WDFY2: variants seen among roughly 807,000 people sequenced by gnomAD.
WDFY2 encodes WD repeat and FYVE domain-containing protein 2.
A neutral mutation model predicts 56.4 loss-of-function variants in WDFY2; 36 were observed. The observed-to-expected ratio is 0.64, with a 90% CI of 0.49 to 0.84. The LOEUF (loss-of-function observed/expected upper bound fraction) is 0.84. Ranked by LOEUF, WDFY2 falls within the 40% of genes least tolerant of loss-of-function variation. The pLI is 0.00. For missense variants in WDFY2, 444 were observed against 512.2 expected, an observed-to-expected ratio of 0.87 and a Z score of 1.29; for synonymous variants, 176 against 183.7, an observed-to-expected ratio of 0.96 and a Z score of 0.34.
intron 4 of WDFY2, among the ~76,000 whole-genome samples, chr13:51,716,777 GAAAA>G: frequency 8.6e-6 from 1 of 116,630 alleles, no homozygotes; most frequent in African/African-American, 3.3e-5. Flanking sequence ...TATCTCTCAT[GAAAA>G]AAAAAAAAAA....
chr13:51,694,335 C>T (rs1459956704), intron 3 of WDFY2, among the ~76,000 whole-genome samples: 1 of 152,190 alleles, frequency 6.6e-6, no homozygotes, highest in Non-Finnish European at 1.5e-5. Context: ...TTGTTCCTTT[C>T]CATGTTTAGT....
At chr13:51,670,489 GCACACACACA>G (rs55984632) in intron 2 of WDFY2, among the ~76,000 whole-genome samples, 1,701 of 131,484 alleles carry the variant, frequency 0.013, 18 homozygotes, top group African/African-American at 0.032. Context: ...GTGCGCACAT[GCACACACACA>G]CACACACACA....
chr13:51,624,153 G>GT (rs1954795183), intron 1 of WDFY2, among the ~76,000 whole-genome samples: 1 of 152,232 alleles, frequency 6.6e-6, no homozygotes, highest in Non-Finnish European at 1.5e-5. Flanking sequence ...TCTTGGGGCA[G>GT]TTTGGACAGA....
At chr13:51,734,167 A>G (rs910770274) in intron 6 of WDFY2, among the ~76,000 whole-genome samples, 2 of 152,190 alleles carry the variant, frequency 1.3e-5, no homozygotes, top group Non-Finnish European at 2.9e-5. Flanking sequence ...AGCAGTTTCC[A>G]ACCCTGATTT....
At chr13:51,742,148 A>G (rs1257976770) in intron 7 of WDFY2, among the ~76,000 whole-genome samples, 1 of 152,206 alleles carries the variant, frequency 6.6e-6, no homozygotes, top group African/African-American at 2.4e-5. Flanking sequence ...ACAGCTGCAC[A>G]TGTCTTCTGT....
chr13:51,612,878 G>C (rs1363923570), intron 1 of WDFY2, among the ~76,000 whole-genome samples: 1 of 152,178 alleles, frequency 6.6e-6, no homozygotes, highest in African/African-American at 2.4e-5. Context: ...TTATTACAGA[G>C]GCAAATCAGG....
chr13:51,721,737 C>T (rs1048445813), intron 5 of WDFY2, among the ~76,000 whole-genome samples: 20 of 152,160 alleles, frequency 1.3e-4, no homozygotes, highest in Admixed American at 1.3e-4. Context: ...CTCTGCCTTG[C>T]CAACTATGAT....
chr13:51,646,294 A>G (rs1000777461), intron 1 of WDFY2, among the ~76,000 whole-genome samples: 8 of 152,210 alleles, frequency 5.3e-5, no homozygotes, highest in African/African-American at 1.7e-4. Context: ...GGCAGAGGCA[A>G]TGCTCCTGCA....
intron 3 of WDFY2, among the ~76,000 whole-genome samples, chr13:51,697,045 TA>T (rs1387279194): frequency 1.2e-4 from 18 of 152,330 alleles, no homozygotes; most frequent in African/African-American, 3.8e-4. Flanking sequence ...GTAAACATTT[TA>T]AGGTGTTAAA....
intron 1 of WDFY2, among the ~76,000 whole-genome samples, chr13:51,647,437 G>A (rs1955283043): frequency 6.6e-6 from 1 of 152,166 alleles, no homozygotes; most frequent in African/African-American, 2.4e-5. Flanking sequence ...AACATAAAAA[G>A]CGTAAGGTAA....
intron 7 of WDFY2, among the ~76,000 whole-genome samples, chr13:51,749,612 C>T (rs1057118098): frequency 2.6e-5 from 4 of 152,026 alleles, no homozygotes; most frequent in Admixed American, 2.6e-4. Flanking sequence ...TTTACATTCC[C>T]TTAAAGTGGC....
intron 2 of WDFY2, among the ~76,000 whole-genome samples, chr13:51,663,837 A>G (rs1270637969): frequency 6.6e-6 from 1 of 152,228 alleles, no homozygotes; most frequent in Non-Finnish European, 1.5e-5. Flanking sequence ...TAAATACCAC[A>G]AAGCAGATAT....
intron 4 of WDFY2, among the ~76,000 whole-genome samples, chr13:51,718,375 C>T (rs1312383877): frequency 1.3e-5 from 2 of 152,126 alleles, no homozygotes; most frequent in Non-Finnish European, 1.5e-5. Flanking sequence ...AACTGAGAAG[C>T]TGTAAGACCT....
At chr13:51,639,857 G>A (rs1027891271) in intron 1 of WDFY2, among the ~76,000 whole-genome samples, 1 of 152,106 alleles carries the variant, frequency 6.6e-6, no homozygotes, top group Non-Finnish European at 1.5e-5. Context: ...ATATGCTGTT[G>A]TCTCCTTTCT....
intron 1 of WDFY2, among the ~76,000 whole-genome samples, chr13:51,651,505 G>C (rs932431147): frequency 6.6e-6 from 1 of 152,176 alleles, no homozygotes; most frequent in African/African-American, 2.4e-5. Flanking sequence ...TAATTGTGAT[G>C]TTAGGGTGTC....
At chr13:51,626,629 C>T (rs1207713957) in intron 1 of WDFY2, among the ~76,000 whole-genome samples, 1 of 152,020 alleles carries the variant, frequency 6.6e-6, no homozygotes, top group Non-Finnish European at 1.5e-5. Flanking sequence ...AAAAATGAAA[C>T]ACATCTAATA....
At position 51,748,171 on chromosome 13, in the gene WDFY2, G is replaced by A. The variant is rs142704697; in HGVS notation, c.726-3139G>A. On this transcript the variant is annotated intron_variant, in intron 7 of 11. Coordinates refer to ENST00000298125, the MANE Select transcript of WDFY2 (RefSeq NM_052950.4). ...CATCACAACGCCCCCTCCCCCGACT[G>A]CCAAAACTGTTTTTCCACCGGTGTA... Among the ~76,000 whole-genome samples the A allele has an allele frequency of 1.2e-4, 19 of 152,106 alleles. No homozygotes were observed. In the South Asian group the frequency reaches 1.7e-3, roughly 13 times the overall value.
At chr13:51,658,707 A>G (rs1955557635) in intron 1 of WDFY2, among the ~76,000 whole-genome samples, 1 of 152,210 alleles carries the variant, frequency 6.6e-6, no homozygotes. Context: ...GAATGCCGAT[A>G]TGCGTATCGC....
chr13:51,649,531 C>T (rs1051845216), intron 1 of WDFY2, among the ~76,000 whole-genome samples: 10 of 151,096 alleles, frequency 6.6e-5, no homozygotes, highest in African/African-American at 1.7e-4. Context: ...CCCGTTAACT[C>T]GTAATTTAAC....
Sources: allele counts gnomAD v4.1 joint callset (sites outside exome capture counted in the v4.1 genomes callset), GRCh38; gene constraint gnomAD v4.1.1; transcripts MANE v1.5; gene names NCBI Gene and HGNC (gene_info 2026-07-23, HGNC 2026-07-21).